Variants in MAN1C1 observed in about 807,000 individuals in gnomAD.
The protein encoded by MAN1C1 is mannosidase alpha class 1C member 1.
In MAN1C1, 49 loss-of-function variants were observed where a neutral mutation model predicts 71.5. The observed-to-expected ratio is 0.69, with a 90% CI of 0.54 to 0.87. The LOEUF is 0.87. Ranked by LOEUF, MAN1C1 falls within the 40% of genes least tolerant of loss-of-function variation. The probability of loss-of-function intolerance (pLI) is 0.00; values close to 1 mark genes in which losing one functional copy is unlikely to be tolerated. For missense variants in MAN1C1, 743 were observed against 835.0 expected, an observed-to-expected ratio of 0.89 and a Z score of 1.36; for synonymous variants, 352 against 343.7, an observed-to-expected ratio of 1.02 and a Z score of -0.27.
intron 3 of MAN1C1, among the ~76,000 whole-genome samples, chr1:25,748,010 C>T (rs2047160685): frequency 6.6e-6 from 1 of 151,998 alleles, no homozygotes; most frequent in African/African-American, 2.4e-5. Flanking sequence ...GCTGAGAATC[C>T]CCCCATTACC....
chr1:25,682,824 G>C (rs1435253390), intron 1 of MAN1C1, among the ~76,000 whole-genome samples: 2 of 152,056 alleles, frequency 1.3e-5, no homozygotes, highest in Non-Finnish European at 2.9e-5. Context: ...AATCACTTGA[G>C]GTCAGGAGTT....
chr1:25,715,861 A>G (rs1249367517), intron 2 of MAN1C1, among the ~76,000 whole-genome samples: 1 of 152,160 alleles, frequency 6.6e-6, no homozygotes, highest in Non-Finnish European at 1.5e-5. Context: ...CCTTAACCAA[A>G]TAGTTTATTT....
intron 1 of MAN1C1, among the ~76,000 whole-genome samples, chr1:25,674,737 G>T (rs2046040542): frequency 6.7e-6 from 1 of 150,276 alleles, no homozygotes; most frequent in African/African-American, 2.5e-5. Flanking sequence ...GAGATGGGGA[G>T]GATAAGCTGA....
chr1:25,768,026 C>T (rs2047471001), intron 7 of MAN1C1, among the ~76,000 whole-genome samples: 2 of 119,136 alleles, frequency 1.7e-5, no homozygotes, highest in African/African-American at 3.3e-5. Context: ...GACCCACACA[C>T]CCACACTCCC....
At chr1:25,767,712 CATT>C (rs2047459457) in intron 7 of MAN1C1, among the ~76,000 whole-genome samples, 3 of 128,794 alleles carry the variant, frequency 2.3e-5, no homozygotes, top group Non-Finnish European at 4.9e-5. Flanking sequence ...CTCACACATA[CATT>C]ACACACTCCC....
At chr1:25,713,852 CT>C (rs1216697117) in intron 2 of MAN1C1, among the ~76,000 whole-genome samples, 2 of 152,180 alleles carry the variant, frequency 1.3e-5, no homozygotes, top group East Asian at 3.8e-4. Flanking sequence ...CTGCTCTTTG[CT>C]GCCGGGAACC....
intron 1 of MAN1C1, among the ~76,000 whole-genome samples, chr1:25,625,956 T>A (rs1433338594): frequency 1.3e-5 from 2 of 152,268 alleles, no homozygotes; most frequent in Non-Finnish European, 2.9e-5. Flanking sequence ...ATTGTTGAGA[T>A]GTATTCCATT....
chr1:25,725,760 G>A lies in MAN1C1; in HGVS notation c.638-20908G>A, dbSNP rs545380443. Among the ~76,000 whole-genome samples the A allele has an allele frequency of 5.8e-4, 88 of 152,336 alleles. No homozygotes were observed. The highest frequency in any genetic ancestry group is 1.8e-3 in the African/African-American group (73 of 41,580). Reference sequence around the variant, plus strand: ...CCCAGTGTTTGTTTTAATGGAAGTCGAAGGCGTGTGGCATTTGAGGGAGAC... The same window carrying A: ...CCCAGTGTTTGTTTTAATGGAAGTCAAAGGCGTGTGGCATTTGAGGGAGAC... On this transcript the variant is annotated intron_variant, in intron 2 of 11. Coordinates refer to ENST00000374332, the MANE Select transcript of MAN1C1 (RefSeq NM_020379.4). The surrounding 1 kb of genome is among the most constrained non-coding windows in gnomAD (Gnocchi z 4.8).
At chr1:25,621,819 G>A (rs1572099610) in intron 1 of MAN1C1, among the ~76,000 whole-genome samples, 1 of 151,952 alleles carries the variant, frequency 6.6e-6, no homozygotes, top group Non-Finnish European at 1.5e-5. Context: ...AGTAGAGACG[G>A]GGTTTTGCTG....
chr1:25,667,289 G>A (rs1352880437), intron 1 of MAN1C1, among the ~76,000 whole-genome samples: 1 of 151,790 alleles, frequency 6.6e-6, no homozygotes, highest in African/African-American at 2.4e-5. Context: ...TTTGAGACCA[G>A]CCTGGCCAAC....
chr1:25,679,373 G>C (rs2124157006), intron 1 of MAN1C1, among the ~76,000 whole-genome samples: 1 of 152,298 alleles, frequency 6.6e-6, no homozygotes, highest in African/African-American at 2.4e-5. Flanking sequence ...GTGGGGAACA[G>C]GCTTGGTGAG....
chr1:25,734,949 T>G (rs1215197306), intron 2 of MAN1C1, among the ~76,000 whole-genome samples: 1 of 152,188 alleles, frequency 6.6e-6, no homozygotes, highest in African/African-American at 2.4e-5. Flanking sequence ...AAGAAACATT[T>G]TATCTAGAAG....
intron 2 of MAN1C1, among the ~76,000 whole-genome samples, chr1:25,703,574 A>G (rs138452477): frequency 6.6e-6 from 1 of 152,146 alleles, no homozygotes. Flanking sequence ...CCAGCTACTC[A>G]GGAGGCTGAG....
chr1:25,637,647 T>C (rs1346046451), intron 1 of MAN1C1, among the ~76,000 whole-genome samples: 2 of 152,136 alleles, frequency 1.3e-5, no homozygotes, highest in African/African-American at 2.4e-5. Context: ...GAAAAAAATA[T>C]TGCTTTCCAA....
chr1:25,732,527 C>T lies in MAN1C1; in HGVS notation c.638-14141C>T, dbSNP rs143152701. On this transcript the variant is annotated intron_variant, in intron 2 of 11. Transcript: ENST00000374332. ...AAAGAGGTGCTGTCTGTGGTGCGCTCAGCAACATGGTGTCGGCCTTCACGC... is the reference window on the plus strand; with the variant it reads ...AAAGAGGTGCTGTCTGTGGTGCGCTTAGCAACATGGTGTCGGCCTTCACGC... 3.0e-3 allele frequency among the ~76,000 whole-genome samples: 451 copies of T among 152,316 alleles called. 2 individuals carry two copies. Among genetic ancestry groups the T allele is most frequent in the Non-Finnish European group, 4.3e-3 (290 of 68,024 alleles).
At chr1:25,684,633 G>A (rs1267218) in intron 1 of MAN1C1, among the ~76,000 whole-genome samples, 33,370 of 152,246 alleles carry the variant, frequency 0.22, 6,234 homozygotes, top group African/African-American at 0.51. Flanking sequence ...TGGTCTGTGC[G>A]TTTGGGCTGC....
chr1:25,696,089 T>C (rs1009559249), intron 2 of MAN1C1, among the ~76,000 whole-genome samples: 2 of 152,232 alleles, frequency 1.3e-5, no homozygotes, highest in Admixed American at 6.5e-5. Context: ...ATGATTCATA[T>C]TGAAATTGAC....
chr1:25,629,741 ATT>A (rs201254114), intron 1 of MAN1C1, among the ~76,000 whole-genome samples: 4 of 143,380 alleles, frequency 2.8e-5, no homozygotes, highest in South Asian at 2.2e-4. Flanking sequence ...TTTTTAATTG[ATT>A]TTTTTTTTTT....
At position 25,618,437 on chromosome 1, in the gene MAN1C1, G is replaced by A. The variant is rs2045150716; in HGVS notation, c.540+100G>A. ...CCTTTCCCTTGCCTCAGTCACTCCT[G>A]GTCCCAGGTCTACTTCTGGCCCTGC... is the stretch of plus-strand genomic sequence containing the variant. On this transcript the variant is annotated intron_variant, in intron 1 of 11. Transcript: ENST00000374332. 4 of 1,184,132 alleles carry A rather than the reference G, an allele frequency of 3.4e-6. No individual in the cohort carries two copies. The South Asian group carries it at 4.3e-5, about 13-fold the overall frequency. 73.4% of individuals were successfully genotyped at this position (1,184,132 alleles called of 1,614,324 possible). A position where few individuals can be genotyped will look rare whatever the true frequency, so the allele number is the denominator to read the frequency against.
Sources: allele counts gnomAD v4.1 joint callset (sites outside exome capture counted in the v4.1 genomes callset), GRCh38; gene constraint gnomAD v4.1.1; non-coding constraint Gnocchi (gnomAD v3.1); transcripts MANE v1.5; gene names NCBI Gene and HGNC (gene_info 2026-07-23, HGNC 2026-07-21).